Variants in KCNC2 observed in about 807,000 individuals in gnomAD.
KCNC2 encodes voltage-gated potassium channel KCNC2.
Under a neutral mutation model 44.5 loss-of-function variants are expected in KCNC2, and 21 were observed. The ratio of observed to expected loss-of-function variants is 0.47; its 90% CI spans 0.33 to 0.68. The LOEUF is 0.68. Ranked by LOEUF, KCNC2 falls within the 30% of genes least tolerant of loss-of-function variation. The probability of loss-of-function intolerance (pLI) is 0.01; values close to 1 mark genes in which losing one functional copy is unlikely to be tolerated. For synonymous variants in KCNC2, 391 were observed against 339.1 expected (o/e 1.15, Z -1.68); for missense variants, 589 against 826.2 (o/e 0.71, Z 3.52).
intron 2 of KCNC2, among the ~76,000 whole-genome samples, chr12:75,165,072 C>T (rs753712192): frequency 9.2e-4 from 139 of 151,646 alleles, no homozygotes; most frequent in Non-Finnish European, 1.6e-3. Context: ...ACCTACAGTT[C>T]CTTAGTAATG....
At chr12:75,171,677 A>G (rs1304649240) in intron 2 of KCNC2, among the ~76,000 whole-genome samples, 1 of 151,852 alleles carries the variant, frequency 6.6e-6, no homozygotes, top group African/African-American at 2.4e-5. Flanking sequence ...GTTAGGTGGA[A>G]TAAGTTCTAG....
At chr12:75,131,777 G>C (rs1888861628) in intron 2 of KCNC2, among the ~76,000 whole-genome samples, 1 of 152,092 alleles carries the variant, frequency 6.6e-6, no homozygotes, top group African/African-American at 2.4e-5. Flanking sequence ...ACAAAGAACT[G>C]AATTCATCCA....
intron 2 of KCNC2, among the ~76,000 whole-genome samples, chr12:75,196,318 G>T (rs2030758686): frequency 6.6e-6 from 1 of 151,936 alleles, no homozygotes; most frequent in Admixed American, 6.6e-5. Context: ...TTCTACAACT[G>T]CCCAGACAGT....
intron 2 of KCNC2, among the ~76,000 whole-genome samples, chr12:75,103,577 T>G (rs758749645): frequency 2.0e-5 from 3 of 152,176 alleles, no homozygotes; most frequent in Non-Finnish European, 2.9e-5. Context: ...ATTAGTAACT[T>G]AAAGCCAGCA....
Position 75,043,185 on chromosome 12 carries a change from T to C in KCNC2, c.1837A>G (p.Arg613Gly). The C allele has an allele frequency of 2.5e-6, 4 of 1,612,516 alleles. No homozygotes were observed. Among genetic ancestry groups the C allele is most frequent in the Non-Finnish European group, 2.5e-6 (3 of 1,179,020 alleles). Residue 613 changes from arginine to glycine, a missense_variant, in exon 5 of 5, where the codon AGG becomes GGG. By Grantham distance (125) the Arg-to-Gly change is moderately radical. This residue lies in a region of KCNC2 where 171 missense variants were observed against 182.4 expected (regional missense o/e 0.94). Transcript: ENST00000549446. ...NIAGLAGNAL[R>G]LSPVTSPYNS... ...TAGGGTGATGTTACTGGAGAGAGCC[T>C]CAGAGCATTGCCTGCCAAGCCCGCT...
intron 2 of KCNC2, among the ~76,000 whole-genome samples, chr12:75,105,595 A>G (rs183192159): frequency 7.7e-4 from 118 of 152,280 alleles, no homozygotes; most frequent in African/African-American, 2.6e-3. Context: ...AGAAGTATTA[A>G]ATTCTAGATA....
At chr12:75,169,851 G>T (rs1034369384) in intron 2 of KCNC2, among the ~76,000 whole-genome samples, 5 of 151,596 alleles carry the variant, frequency 3.3e-5, no homozygotes, top group South Asian at 2.1e-4. Flanking sequence ...TCCTTTCACA[G>T]GTATCAATGT....
intron 2 of KCNC2, among the ~76,000 whole-genome samples, chr12:75,067,661 G>T (rs2137017613): frequency 6.6e-6 from 1 of 152,202 alleles, no homozygotes; most frequent in South Asian, 2.1e-4. Flanking sequence ...CACTGAAAAT[G>T]GGTTTTACCC....
chr12:75,123,304 T>C (rs1411910026), intron 2 of KCNC2, among the ~76,000 whole-genome samples: 2 of 152,178 alleles, frequency 1.3e-5, no homozygotes, highest in Non-Finnish European at 2.9e-5. Context: ...TAAATCTAAG[T>C]TGAGTATTGC....
At chr12:75,134,290 A>G (rs1160209820) in intron 2 of KCNC2, among the ~76,000 whole-genome samples, 1 of 151,982 alleles carries the variant, frequency 6.6e-6, no homozygotes, top group Non-Finnish European at 1.5e-5. Context: ...ATAGTTGTTG[A>G]ATAGAATATT....
At chr12:75,204,658 C>T (rs2031545141) in intron 2 of KCNC2, among the ~76,000 whole-genome samples, 1 of 152,098 alleles carries the variant, frequency 6.6e-6, no homozygotes. Context: ...TATGTTTCCT[C>T]GAATTGTGTC....
chr12:75,153,255 G>A (rs1251156653), intron 2 of KCNC2, among the ~76,000 whole-genome samples: 1 of 151,918 alleles, frequency 6.6e-6, no homozygotes, highest in Non-Finnish European at 1.5e-5. Flanking sequence ...AGGTAGCAAC[G>A]ATGTTTATTT....
At chr12:75,174,186 T>TACCATGTATTTTTTAC in intron 2 of KCNC2, among the ~76,000 whole-genome samples, 1 of 151,992 alleles carries the variant, frequency 6.6e-6, no homozygotes, top group East Asian at 1.9e-4. Flanking sequence ...GTATTTTTTA[T>TACCATGTATTTTTTAC]ACCATGTATT....
At chr12:75,060,224 C>G (rs181951958) in intron 2 of KCNC2, among the ~76,000 whole-genome samples, 6 of 152,208 alleles carry the variant, frequency 3.9e-5, no homozygotes, top group African/African-American at 1.2e-4. Context: ...TTCCCCAACA[C>G]CTTCATCCAT....
chr12:75,204,152 T>G (rs1049486438), intron 2 of KCNC2, among the ~76,000 whole-genome samples: 1 of 151,992 alleles, frequency 6.6e-6, no homozygotes, highest in African/African-American at 2.4e-5. Context: ...TATTTGAATT[T>G]TTATAAATTT....
chr12:75,162,207 T>A (rs1891164995), intron 2 of KCNC2, among the ~76,000 whole-genome samples: 1 of 151,822 alleles, frequency 6.6e-6, no homozygotes, highest in East Asian at 1.9e-4. Context: ...ATATATTTTT[T>A]TAAATTGAAA....
chr12:75,110,103 T>C (rs1199505817), intron 2 of KCNC2, among the ~76,000 whole-genome samples: 1 of 151,680 alleles, frequency 6.6e-6, no homozygotes, highest in African/African-American at 2.4e-5. Context: ...AAGGAACAGA[T>C]GGAGGAAAGA....
intron 2 of KCNC2, among the ~76,000 whole-genome samples, chr12:75,127,782 T>G (rs1355880114): frequency 6.6e-6 from 1 of 152,096 alleles, no homozygotes; most frequent in Non-Finnish European, 1.5e-5. Context: ...CAACCACTAA[T>G]AAAGGTCATA....
intron 3 of KCNC2, among the ~76,000 whole-genome samples, chr12:75,048,757 T>C (rs1368564615): frequency 6.6e-6 from 1 of 152,152 alleles, no homozygotes; most frequent in Non-Finnish European, 1.5e-5. Flanking sequence ...CTTTTATTAA[T>C]TTCTGAAAGC....
Sources: gnomAD v4.1 joint callset for allele counts (sites outside exome capture counted in the v4.1 genomes callset) on GRCh38, gnomAD v4.1.1 for gene constraint, gnomAD v4.1.1 regional missense constraint, MANE v1.5 for transcripts, NCBI Gene and HGNC (gene_info 2026-07-23, HGNC 2026-07-21) for gene names.